SMAGP: variants seen among roughly 807,000 people sequenced by gnomAD.
The protein encoded by SMAGP is small cell transmembrane and glycosylated protein.
A neutral mutation model predicts 10.1 loss-of-function variants in SMAGP; 7 were observed. The observed-to-expected ratio is 0.70, with a 90% CI of 0.40 to 1.31. The LOEUF is 1.31. SMAGP is among the 50% of genes most tolerant of loss of function. The pLI, the probability that SMAGP is intolerant of heterozygous loss-of-function variation, is 0.01. For synonymous variants in SMAGP, 49 were observed against 47.2 expected, an observed-to-expected ratio of 1.04 and a Z score of -0.16; for missense variants, 113 against 116.5, an observed-to-expected ratio of 0.97 and a Z score of 0.14.
chr12:51,268,529 C>T (rs1251310232), intron 2 of SMAGP, among the ~76,000 whole-genome samples: 1 of 151,804 alleles, frequency 6.6e-6, no homozygotes, highest in African/African-American at 2.4e-5. Context: ...AATGTAAAGC[C>T]CTTCCTTTAG....
chr12:51,245,223 C>T lies in SMAGP; in HGVS notation c.*718G>A, dbSNP rs1048031098. The T allele has an allele frequency of 1.3e-5, 2 of 152,122 alleles. No individual in the cohort carries two copies. The highest frequency in any genetic ancestry group is 2.4e-5 in the African/African-American group (1 of 41,424). 9.4% of individuals were successfully genotyped at this position (152,122 alleles called of 1,614,324 possible). A position where few individuals can be genotyped will look rare whatever the true frequency, so the allele number is the denominator to read the frequency against. On this transcript the variant is annotated 3_prime_UTR_variant, in exon 4 of 4. Transcript: ENST00000603798. The stretch of plus-strand genomic sequence containing the variant: ...GAGATAGTTCTGCAAACTTCTAGAA[C>T]TTTCCTAGGGTTCTTATTGCTTGGA...
chr12:51,250,377 T>C (rs1298314927), intron 2 of SMAGP, among the ~76,000 whole-genome samples: 1 of 152,068 alleles, frequency 6.6e-6, no homozygotes, highest in African/African-American at 2.4e-5. Context: ...TGAGACCCTG[T>C]CTCAAAAAAA....
At chr12:51,267,466 T>TCCCCC (rs58505496) in intron 2 of SMAGP, among the ~76,000 whole-genome samples, 2 of 136,282 alleles carry the variant, frequency 1.5e-5, no homozygotes, top group Non-Finnish European at 1.6e-5. Flanking sequence ...GCTGACCTAT[T>TCCCCC]CCCCCCCCCC....
rs562813364 is a variant in SMAGP, at chr12:51,245,752, A to G, written c.*189T>C. ...GAGGGCCTGGTTAAAGATATCATAA[A>G]CAGCTTTCTCCATGTCCCTGGTCCC... On this transcript the variant is annotated 3_prime_UTR_variant, in exon 4 of 4. Coordinates refer to ENST00000603798, the MANE Select transcript of SMAGP (RefSeq NM_001031628.2). The G allele has an allele frequency of 1.7e-6, 1 of 589,974 alleles. No individual in the cohort carries two copies. The highest frequency in any genetic ancestry group is 2.6e-5 in the South Asian group (1 of 38,388). The allele number at this position is 589,974 out of a possible 1,614,324, so 36.5% of individuals were successfully genotyped here. A position where few individuals can be genotyped will look rare whatever the true frequency, so the allele number is the denominator to read the frequency against.
At position 51,245,959 on chromosome 12, in the gene SMAGP, T is replaced by C. The variant is rs750265145; in HGVS notation, c.276A>G (p.Lys92=). 3 of 1,613,730 alleles carry C rather than the reference T, an allele frequency of 1.9e-6. No homozygotes were observed. Among genetic ancestry groups the C allele is most frequent in the South Asian group, 2.2e-5 (2 of 91,070 alleles). The change falls in exon 4 of 4, where the codon AAA becomes AAG. Residue 92 remains lysine, a synonymous_variant. Coordinates refer to ENST00000603798, the MANE Select transcript of SMAGP (RefSeq NM_001031628.2). ...GGAGTCATTAGATGAAATATTCCTC[T>C]TTCTCGCTGCCCTTGGCCAAGTCAC... ...MESDLAKGSE[K]EEYFI is the part of the protein sequence containing the mutation.
At chr12:51,247,875 G>A (rs1004254713) in intron 2 of SMAGP, among the ~76,000 whole-genome samples, 2 of 152,230 alleles carry the variant, frequency 1.3e-5, no homozygotes, top group Non-Finnish European at 2.9e-5. Flanking sequence ...AGGAGCTGCT[G>A]TAAGTGCACT....
chr12:51,258,623 AT>A (rs1403946949), intron 2 of SMAGP, among the ~76,000 whole-genome samples: 2 of 151,634 alleles, frequency 1.3e-5, no homozygotes, highest in African/African-American at 2.4e-5. Flanking sequence ...AGAAAAGATT[AT>A]TTATAATATC....
chr12:51,261,224 T>C lies in SMAGP; in HGVS notation c.34+8021A>G, dbSNP rs977335500. Among the ~76,000 whole-genome samples, 4 of 149,788 alleles carry C rather than the reference T, an allele frequency of 2.7e-5. No individual in the cohort carries two copies. The East Asian group carries it at 7.9e-4, about 30-fold the overall frequency. ...GATTCTCCTGCCTCAGCCTCCCAAG[T>C]AGCTGGGATTACAGGCACCCGCCAC... is the stretch of plus-strand genomic sequence containing the variant. On this transcript the variant is annotated intron_variant, in intron 2 of 3. Transcript: ENST00000603798.
Position 51,245,283 on chromosome 12 carries a change from G to A in SMAGP, c.*658C>T, listed in dbSNP as rs13377877. On this transcript the variant is annotated 3_prime_UTR_variant, in exon 4 of 4. Transcript: ENST00000603798. Reference sequence around the variant, plus strand: ...ATGTAAAGGCGTTAAATAGGGAAAAGAAAATGTCAAAAATGTTTAAGCAAA... The same window carrying A: ...ATGTAAAGGCGTTAAATAGGGAAAAAAAAATGTCAAAAATGTTTAAGCAAA... The A allele has an allele frequency of 6.6e-6, 1 of 152,448 alleles. No homozygotes were observed. Among genetic ancestry groups the A allele is most frequent in the Admixed American group, 6.5e-5 (1 of 15,272 alleles). 9.4% of individuals were successfully genotyped at this position (152,448 alleles called of 1,614,324 possible).
At chr12:51,250,500 G>GGT (rs1555166825) in intron 2 of SMAGP, among the ~76,000 whole-genome samples, 61 of 88,016 alleles carry the variant, frequency 6.9e-4, no homozygotes, top group Admixed American at 1.6e-3. Flanking sequence ...TTGTTGTTGT[G>GGT]TTTTTTTTTT....
In SMAGP at chr12:51,254,260, A is replaced by T. The variant is rs1392759577; in HGVS notation, c.35-7429T>A. On this transcript the variant is annotated intron_variant, in intron 2 of 3. Coordinates refer to ENST00000603798, the MANE Select transcript of SMAGP (RefSeq NM_001031628.2). ...TAGAGGGGGAAGACAGACAATAAAT[A>T]AAATAAGGCCGGGCGCGGTGGCTCA... 2.6e-5 allele frequency among the ~76,000 whole-genome samples: 4 copies of T among 152,320 alleles called. No homozygotes were observed. The East Asian group carries it at 7.7e-4, about 29-fold the overall frequency.
At chr12:51,249,850 CG>C (rs1944819510) in intron 2 of SMAGP, among the ~76,000 whole-genome samples, 1 of 151,772 alleles carries the variant, frequency 6.6e-6, no homozygotes, top group Non-Finnish European at 1.5e-5. Flanking sequence ...CTCCTGGCCT[CG>C]AGTGATCCAC....
chr12:51,266,164 G>A (rs1445157650), intron 2 of SMAGP, among the ~76,000 whole-genome samples: 11 of 151,832 alleles, frequency 7.2e-5, no homozygotes, highest in Admixed American at 3.9e-4. Flanking sequence ...ACTGCAGTCC[G>A]AAAACATTAA....
In SMAGP at chr12:51,249,134, C is replaced by T. The variant is rs563511487; in HGVS notation, c.35-2303G>A. 2.6e-5 allele frequency among the ~76,000 whole-genome samples: 4 copies of T among 152,230 alleles called. No individual in the cohort carries two copies. In the South Asian group the frequency reaches 8.3e-4, roughly 32 times the overall value. ...ACAACTAGCTGAACATGCAGAAGTTCCCGGAGGGTGACGCACCAGGGAGGG... is the reference window on the plus strand; with the variant it reads ...ACAACTAGCTGAACATGCAGAAGTTTCCGGAGGGTGACGCACCAGGGAGGG... On this transcript the variant is annotated intron_variant, in intron 2 of 3. Transcript: ENST00000603798.
At chr12:51,263,059 C>T (rs1032330671) in intron 2 of SMAGP, among the ~76,000 whole-genome samples, 3 of 152,090 alleles carry the variant, frequency 2.0e-5, no homozygotes, top group African/African-American at 7.2e-5. Context: ...CTGCCTCTGC[C>T]ATTACTAGCT....
Position 51,245,916 on chromosome 12 carries a change from T to A in SMAGP, c.*25A>T. Reference sequence around the variant, plus strand: ...AACGTGTTAGCGATGGAGCCAGGAATAAGCTCCTTGGGGCCTGGGAGTCAT... The same window carrying A: ...AACGTGTTAGCGATGGAGCCAGGAAAAAGCTCCTTGGGGCCTGGGAGTCAT... On this transcript the variant is annotated 3_prime_UTR_variant, in exon 4 of 4. Coordinates refer to ENST00000603798, the MANE Select transcript of SMAGP (RefSeq NM_001031628.2). 6.2e-7 allele frequency: 1 copy of A among 1,602,674 alleles called. No individual in the cohort carries two copies. The highest frequency in any genetic ancestry group is 1.1e-5 in the South Asian group (1 of 90,562).
chr12:51,262,974 G>A (rs542532332), intron 2 of SMAGP, among the ~76,000 whole-genome samples: 1 of 152,172 alleles, frequency 6.6e-6, no homozygotes, highest in Non-Finnish European at 1.5e-5. Context: ...CAGTTGGGTG[G>A]AGTGAGACCT....
chr12:51,248,900 C>CAAAAAAAAA (rs545881552), intron 2 of SMAGP, among the ~76,000 whole-genome samples: 2 of 95,618 alleles, frequency 2.1e-5, no homozygotes. Context: ...AAAAATACCA[C>CAAAAAAAAA]AAAAAAAAAA....
At chr12:51,255,557 T>G (rs550278902) in intron 2 of SMAGP, among the ~76,000 whole-genome samples, 3 of 152,236 alleles carry the variant, frequency 2.0e-5, no homozygotes, top group Admixed American at 1.3e-4. Context: ...CACCCCAGGC[T>G]CAGCTGACTG....
Sources: allele counts gnomAD v4.1 joint callset (sites outside exome capture counted in the v4.1 genomes callset), GRCh38; gene constraint gnomAD v4.1.1; transcripts MANE v1.5; gene names NCBI Gene and HGNC (gene_info 2026-07-23, HGNC 2026-07-21).